The following RAD21L1 variants were observed in gnomAD, a reference collection of about 807,000 sequenced individuals.
The protein encoded by RAD21L1 is RAD21 cohesin complex component like 1.
RAD21L1 carries 47 observed loss-of-function variants against 69.0 expected under a neutral mutation model. That is an observed-to-expected ratio of 0.68 (90% CI 0.54 to 0.87). The LOEUF (loss-of-function observed/expected upper bound fraction) is 0.87, where lower values mean the gene tolerates loss of function less well. Among genes scored for constraint, RAD21L1 ranks in the 40% least tolerant of loss-of-function variants. The pLI is 0.00. For synonymous variants in RAD21L1, 177 were observed against 205.8 expected (o/e 0.86, Z 1.20); for missense variants, 583 against 647.6 (o/e 0.90, Z 1.08).
chr20:1,250,661 A>T (rs2122162104), intron 13 of RAD21L1, among the ~76,000 whole-genome samples: 1 of 152,370 alleles, frequency 6.6e-6, no homozygotes, highest in Non-Finnish European at 1.5e-5. Context: ...GTGCCACAAT[A>T]AACATATATG....
chr20:1,249,906 G>A (rs911951593), intron 13 of RAD21L1, among the ~76,000 whole-genome samples: 1 of 151,820 alleles, frequency 6.6e-6, no homozygotes, highest in Non-Finnish European at 1.5e-5. Flanking sequence ...TGCACAACGT[G>A]CAGGTTTGTT....
chr20:1,235,915 G>C (rs192082205), intron 5 of RAD21L1, among the ~76,000 whole-genome samples: 1 of 152,164 alleles, frequency 6.6e-6, no homozygotes, highest in African/African-American at 2.4e-5. Flanking sequence ...CTACAGGCAT[G>C]CACCTCCGCA....
chr20:1,238,014 A>C, intron 5 of RAD21L1, 30 bp from the exon 6 acceptor site: 2 of 1,215,756 alleles, frequency 1.6e-6, no homozygotes, highest in South Asian at 1.8e-5. Flanking sequence ...TGTTTCTATG[A>C]ATTAGTATTA....
intron 3 of RAD21L1, chr20:1,230,712 A>AT (rs905048990): frequency 3.9e-5 from 21 of 537,404 alleles, no homozygotes; most frequent in South Asian, 2.5e-4. Flanking sequence ...GGATTGACAG[A>AT]TTTTTTTTAA....
intron 1 of RAD21L1, among the ~76,000 whole-genome samples, chr20:1,227,275 A>G (rs1021690871): frequency 6.6e-6 from 1 of 152,270 alleles, no homozygotes; most frequent in Non-Finnish European, 1.5e-5. Context: ...ATAGGAATTT[A>G]TTCCGAGAGA....
chr20:1,226,429 C>G (rs2087260823), intron 1 of RAD21L1: 1 of 149,678 alleles, frequency 6.7e-6, no homozygotes, highest in Non-Finnish European at 1.5e-5. Context: ...TCTGAGGAGT[C>G]GTCTGTGGAG....
chr20:1,248,592 C>A, intron 12 of RAD21L1, 34 bp from the exon 13 acceptor site: 1 of 1,334,200 alleles, frequency 7.5e-7, no homozygotes, highest in South Asian at 1.4e-5. Context: ...GTAAAATTTG[C>A]TTAAATTAAA....
chr20:1,228,547 G>T lies in RAD21L1; in HGVS notation c.94G>T (p.Val32Leu). ...HWEKKLTKAH[V>L]FECNLEITIE... is the part of the protein sequence containing the mutation. ...GGAGAAGAAACTCACAAAGGCCCAT[G>T]TATTTGAATGTAATCTAGAGATAAC... is the stretch of plus-strand genomic sequence containing the variant. Residue 32 changes from valine to leucine, a missense_variant, in exon 2 of 14, where the codon GTA (valine) becomes TTA (leucine). Val to Leu is a conservative substitution (Grantham distance 32). Coordinates refer to ENST00000683101, the MANE Select transcript of RAD21L1 (RefSeq NM_001384355.1). 6.5e-7 allele frequency: 1 copy of T among 1,549,976 alleles called. No homozygotes were observed. The highest frequency in any genetic ancestry group is 8.7e-7 in the Non-Finnish European group (1 of 1,146,154).
intron 4 of RAD21L1, among the ~76,000 whole-genome samples, chr20:1,232,526 A>T (rs752251214): frequency 2.6e-5 from 4 of 152,248 alleles, no homozygotes; most frequent in Non-Finnish European, 5.9e-5. Context: ...TTACAGATAT[A>T]TCTGGAAAGC....
At position 1,239,364 on chromosome 20, in the gene RAD21L1, CAG is replaced by C; in HGVS notation, c.703_704del (p.Glu235AsnfsTer6). ...NILLEDMHLN[R>X]EISLPSEPPN... ...TCCTGTTAGAAGACATGCATTTGAA[CAG>C]AGAAATTTCCCTGCCTTCTGAGCCT... On this transcript the variant is annotated frameshift_variant, in exon 7 of 14. Transcript: ENST00000683101. LOFTEE classifies it high-confidence loss of function. The C allele has an allele frequency of 6.4e-7, 1 of 1,550,404 alleles. No individual in the cohort carries two copies. The highest frequency in any genetic ancestry group is 8.7e-7 in the Non-Finnish European group (1 of 1,145,886).
At chr20:1,239,779 C>T (rs950254656) in intron 7 of RAD21L1, among the ~76,000 whole-genome samples, 2 of 152,018 alleles carry the variant, frequency 1.3e-5, no homozygotes, top group East Asian at 1.9e-4. Context: ...TACGGAAGTA[C>T]CTCAGATGAT....
intron 4 of RAD21L1, 79 bp from the exon 5 acceptor site, chr20:1,234,003 TTTC>T (rs1156451120): frequency 6.1e-6 from 4 of 654,278 alleles, no homozygotes; most frequent in Non-Finnish European, 1.1e-5. Flanking sequence ...GTTGTTTTAG[TTTC>T]TTCACTATAT....
chr20:1,242,726 C>T lies in RAD21L1; in HGVS notation c.964C>T (p.Leu322Phe), dbSNP rs1335559569. Residue 322 changes from leucine (L) to phenylalanine (F), a missense_variant, in exon 9 of 14, where the codon CTC (leucine) becomes TTC (phenylalanine). Physicochemically the swap from Leu to Phe is conservative, Grantham distance 22. Transcript: ENST00000683101. ...ACAGCTTACTTCCTTTGCGGACACA[C>T]TCATGGTTTTGGAACTTGCACCTCC... The part of the protein sequence containing the change: ...HKQLTSFADT[L>F]MVLELAPPTQ... 3.9e-6 allele frequency: 6 copies of T among 1,551,460 alleles called. No homozygotes were observed. Among genetic ancestry groups the T allele is most frequent in the Admixed American group, 2.0e-5 (1 of 50,964 alleles).
rs202199345 is a variant in RAD21L1 at position 1,238,199 on chromosome 20, G to A, written c.631G>A (p.Ala211Thr). The A allele has an allele frequency of 5.7e-5, 86 of 1,514,848 alleles. No homozygotes were observed. Among genetic ancestry groups the A allele is most frequent in the Non-Finnish European group, 7.5e-5 (84 of 1,123,926 alleles). 93.8% of individuals were successfully genotyped at this position (1,514,848 alleles called of 1,614,324 possible). ...SGDGFGDEGA[A>T]GEMIDNLLQD... The stretch of plus-strand genomic sequence containing the variant: ...AGATGGGTTTGGAGATGAAGGAGCT[G>A]CAGGAGAAATGATTGGTATGCTATC... The change falls in exon 6 of 14, where the codon GCA (alanine) becomes ACA (threonine). Residue 211 changes from alanine to threonine, a missense_variant. Coordinates refer to ENST00000683101, the MANE Select transcript of RAD21L1 (RefSeq NM_001384355.1).
chr20:1,229,685 A>G (rs911374056), intron 2 of RAD21L1, among the ~76,000 whole-genome samples, 195 bp from the exon 3 acceptor site: 2 of 152,232 alleles, frequency 1.3e-5, no homozygotes, highest in African/African-American at 2.4e-5. Flanking sequence ...CTTAAATGCC[A>G]TATTAGATTA....
rs1306017184 is a variant in RAD21L1 at position 1,238,137 on chromosome 20, G to A, written c.569G>A (p.Ser190Asn). 1.9e-6 allele frequency: 3 copies of A among 1,545,422 alleles called. No individual in the cohort carries two copies. The highest frequency in any genetic ancestry group is 2.6e-6 in the Non-Finnish European group (3 of 1,142,926). ...CCTTTAATTGAACATAGTTCTGGAA[G>A]CCTCACTGGAGAACGATCTCTATTC... ...SGPLIEHSSG[S>N]LTGERSLFYD... Residue 190 changes from serine (S) to asparagine (N), a missense_variant, in exon 6 of 14, where the codon AGC becomes AAC. Physicochemically the swap from Ser to Asn is conservative, Grantham distance 46. Coordinates refer to ENST00000683101, the MANE Select transcript of RAD21L1 (RefSeq NM_001384355.1).
At position 1,231,645 on chromosome 20, in the gene RAD21L1, C is replaced by T. The variant is rs536893391; in HGVS notation, c.368+26C>T. The stretch of plus-strand genomic sequence containing the variant: ...GTAAAATATTTTATTTATTTTCCTT[C>T]GATTTAATTTTCTTGATATTTGTTT... On this transcript the variant is annotated intron_variant, in intron 4 of 13. Coordinates refer to ENST00000683101, the MANE Select transcript of RAD21L1 (RefSeq NM_001384355.1). The T allele has an allele frequency of 2.4e-5, 27 of 1,131,574 alleles. 2 individuals carry two copies. The highest frequency in any genetic ancestry group is 1.6e-4 in the South Asian group (11 of 68,488). 70.1% of individuals were successfully genotyped at this position (1,131,574 alleles called of 1,614,324 possible).
intron 2 of RAD21L1, among the ~76,000 whole-genome samples, chr20:1,229,325 G>A (rs994079684): frequency 1.3e-5 from 2 of 152,104 alleles, no homozygotes; most frequent in Non-Finnish European, 2.9e-5. Flanking sequence ...GTAAATAGAG[G>A]TTGTTGTCAA....
intron 13 of RAD21L1, among the ~76,000 whole-genome samples, chr20:1,250,302 G>A (rs936157634): frequency 4.7e-5 from 7 of 149,054 alleles, no homozygotes; most frequent in Admixed American, 2.0e-4. Context: ...TGTGCACAAC[G>A]TGCAGGTTTG....
Sources: allele counts gnomAD v4.1 joint callset (sites outside exome capture counted in the v4.1 genomes callset), GRCh38; gene constraint gnomAD v4.1.1; transcripts MANE v1.5; gene names NCBI Gene and HGNC (gene_info 2026-07-23, HGNC 2026-07-21).